Variants in KMT2A observed in about 807,000 individuals in gnomAD.
KMT2A encodes the protein lysine methyltransferase 2A, also known as histone-lysine N-methyltransferase 2A.
A neutral mutation model predicts 345.3 loss-of-function variants in KMT2A; 16 were observed. The ratio of observed to expected loss-of-function variants is 0.05; its 90% CI spans 0.03 to 0.07. KMT2A has a LOEUF of 0.07. KMT2A is among the 10% of genes least tolerant of loss of function. The pLI is 1.00. For missense variants in KMT2A, 3,272 were observed against 4,841.6 expected, an observed-to-expected ratio of 0.68 and a Z score of 9.62; for synonymous variants, 1,599 against 1,778.6, an observed-to-expected ratio of 0.90 and a Z score of 2.54.
At position 118,473,921 on chromosome 11, in the gene KMT2A, T is replaced by C. The variant is rs540438266; in HGVS notation, c.2762T>C (p.Val921Ala). The change falls in exon 3 of 36, where the codon GTT (valine) becomes GCT (alanine). Residue 921 changes from valine (V) to alanine (A), a missense_variant. Physicochemically the swap from Val to Ala is moderately conservative, Grantham distance 64. Transcript: ENST00000534358. This position sits in a 1 kb window ranked among gnomAD's most constrained non-coding sequence, Gnocchi z 5.2. Reference sequence around the variant, plus strand: ...AAAGAGAAGGTTGTTGGTGAAGATGTTGCCACTTCATCTTCTGCCAAAAAA... The same window carrying C: ...AAAGAGAAGGTTGTTGGTGAAGATGCTGCCACTTCATCTTCTGCCAAAAAA... ...VSKEKVVGED[V>A]ATSSSAKKAT... The C allele has an allele frequency of 1.2e-6, 2 of 1,614,156 alleles. No individual in the cohort carries two copies. Among genetic ancestry groups the C allele is most frequent in the African/African-American group, 1.3e-5 (1 of 75,038 alleles).
chr11:118,509,306 T>A, intron 29 of KMT2A, 106 bp downstream of exon 29: 2 of 921,022 alleles, frequency 2.2e-6, no homozygotes, highest in Non-Finnish European at 3.3e-6. Flanking sequence ...AAAAAAAATC[T>A]AAGCTCCAAA....
At position 118,494,121 on chromosome 11, in the gene KMT2A, A is replaced by G. The variant is rs944622648; in HGVS notation, c.5179-167A>G. On this transcript the variant is annotated intron_variant, in intron 16 of 35. Coordinates refer to ENST00000534358, the MANE Select transcript of KMT2A (RefSeq NM_001197104.2). The surrounding 1 kb of genome is among the most constrained non-coding windows in gnomAD (Gnocchi z 5.8). ...GGCATCTCTTAATTGCCACAGGTTA[A>G]TCGTGAATTGAATCTCAAAGGTCTC... Among the ~76,000 whole-genome samples, 8 of 152,260 alleles carry G rather than the reference A, an allele frequency of 5.3e-5. No individual in the cohort carries two copies. Among genetic ancestry groups the G allele is most frequent in the Non-Finnish European group, 5.9e-5 (4 of 68,048 alleles).
intron 24 of KMT2A, 120 bp downstream of exon 24, chr11:118,500,033 A>G (rs1437096013): frequency 1.1e-5 from 7 of 649,270 alleles, no homozygotes; most frequent in Admixed American, 5.6e-5. Flanking sequence ...CTAAAAATTA[A>G]TCACTTATTT....
intron 28 of KMT2A, among the ~76,000 whole-genome samples, chr11:118,508,800 C>A (rs1555049288): frequency 6.6e-6 from 1 of 151,296 alleles, no homozygotes. Context: ...GTTAAGCCAG[C>A]TTACTTATTT....
Position 118,484,415 on chromosome 11 carries a change from TG to T in KMT2A, c.4218+106del. ...GTTGAAAGAGGAAATCAGCACCAAC[TG>T]GGGGAATGAATAAGAACTCCCATTA... On this transcript the variant is annotated intron_variant, in intron 9 of 35. Transcript: ENST00000534358. This position sits in a 1 kb window ranked among gnomAD's most constrained non-coding sequence, Gnocchi z 4.1. 3 of 1,255,878 alleles carry T rather than the reference TG, an allele frequency of 2.4e-6. No individual in the cohort carries two copies. Among genetic ancestry groups the T allele is most frequent in the Non-Finnish European group, 3.3e-6 (3 of 895,844 alleles). 77.8% of individuals were successfully genotyped at this position (1,255,878 alleles called of 1,614,324 possible). A position where few individuals can be genotyped will look rare whatever the true frequency, so the allele number is the denominator to read the frequency against.
Position 118,473,705 on chromosome 11 carries a change from G to A in KMT2A, c.2546G>A (p.Arg849Lys), listed in dbSNP as rs1949984599. The A allele has an allele frequency of 6.2e-7, 1 of 1,614,176 alleles. No individual in the cohort carries two copies. The highest frequency in any genetic ancestry group is 1.1e-5 in the South Asian group (1 of 91,090). Residue 849 changes from arginine (R) to lysine (K), a missense_variant, in exon 3 of 36, where the codon AGA (arginine) becomes AAA (lysine). Arg to Lys is a conservative substitution (Grantham distance 26). Transcript: ENST00000534358. The surrounding 1 kb of genome is among the most constrained non-coding windows in gnomAD (Gnocchi z 5.2). ...CCAGGCTCTCAGACTGAAAGAGGGA[G>A]AAATAAAGACAAGGCCCCCGAGGAG... ...FTPGSQTERGRNKDKAPEELS... is the reference protein window; with the variant it reads ...FTPGSQTERGKNKDKAPEELS...
rs2134397490 is a variant in KMT2A at position 118,504,147 on chromosome 11, G to A, written c.8255G>A (p.Gly2752Glu). 1 of 1,614,150 alleles carries A rather than the reference G, an allele frequency of 6.2e-7. No individual in the cohort carries two copies. Among genetic ancestry groups the A allele is most frequent in the Non-Finnish European group, 8.5e-7 (1 of 1,180,028 alleles). ...CCAAAAAGAAATGGTAAAGAAAATG[G>A]AACAGAGAACTTAAAGATTGATAGA... ...QIPKRNGKEN[G>E]TENLKIDRPE... The change falls in exon 27 of 36, where the codon GGA (glycine) becomes GAA (glutamate). Residue 2752 changes from glycine to glutamate, a missense_variant. Transcript: ENST00000534358. The surrounding 1 kb of genome is among the most constrained non-coding windows in gnomAD (Gnocchi z 6.4).
chr11:118,489,308 G>A (rs555889168), intron 11 of KMT2A, among the ~76,000 whole-genome samples: 1 of 151,972 alleles, frequency 6.6e-6, no homozygotes, highest in Non-Finnish European at 1.5e-5. Context: ...TTTTGTCTAG[G>A]GACTTGGGCA....
chr11:118,505,934 T>G lies in KMT2A; in HGVS notation c.10042T>G (p.Ser3348Ala). 6.2e-7 allele frequency: 1 copy of G among 1,614,168 alleles called. No homozygotes were observed. Among genetic ancestry groups the G allele is most frequent in the East Asian group, 2.2e-5 (1 of 44,874 alleles). The change falls in exon 27 of 36, where the codon TCC becomes GCC. Residue 3348 changes from serine to alanine, a missense_variant. Physicochemically the swap from Ser to Ala is moderately conservative, Grantham distance 99. Transcript: ENST00000534358. This position sits in a 1 kb window ranked among gnomAD's most constrained non-coding sequence, Gnocchi z 4.6. ...CAGTTCCTCTGTCTTGAATGTTGTA[T>G]CCATGCAAACTACCACAACCCCTAC... ...ASSSSVLNVVSMQTTTTPTSS... is the reference protein window; with the variant it reads ...ASSSSVLNVVAMQTTTTPTSS...
intron 1 of KMT2A, among the ~76,000 whole-genome samples, chr11:118,460,176 TG>T (rs1164413981): frequency 2.0e-5 from 3 of 152,254 alleles, no homozygotes; most frequent in African/African-American, 4.8e-5. Context: ...TTTCTAGCTC[TG>T]GAGTGCCTAG....
chr11:118,441,863 C>T (rs968411303), intron 1 of KMT2A, among the ~76,000 whole-genome samples: 3 of 152,206 alleles, frequency 2.0e-5, no homozygotes, highest in Non-Finnish European at 4.4e-5. Context: ...TTGAGAGAAA[C>T]TATTCCCATC....
rs1354676762 is a variant in KMT2A at position 118,484,490 on chromosome 11, CTGTT to C, written c.4218+180_4218+183del. Among the ~76,000 whole-genome samples, 4 of 152,332 alleles carry C rather than the reference CTGTT, an allele frequency of 2.6e-5. No individual in the cohort carries two copies. The highest frequency in any genetic ancestry group is 6.8e-3 in the Middle Eastern group (2 of 294). ...AGCTTTGGTCAGTGTTGTTAGGTCA[CTGTT>C]TGTGAACTGACTGCAGAACATACAT... On this transcript the variant is annotated intron_variant, in intron 9 of 35. Coordinates refer to ENST00000534358, the MANE Select transcript of KMT2A (RefSeq NM_001197104.2). This position sits in a 1 kb window ranked among gnomAD's most constrained non-coding sequence, Gnocchi z 4.1.
chr11:118,456,575 T>A (rs1336505843), intron 1 of KMT2A, among the ~76,000 whole-genome samples: 1 of 151,902 alleles, frequency 6.6e-6, no homozygotes, highest in African/African-American at 2.4e-5. Flanking sequence ...CCTGACCTCA[T>A]GATTCGCCCA....
At chr11:118,468,623 T>C (rs1949889072) in intron 1 of KMT2A, 152 bp from the exon 2 acceptor site, 1 of 622,770 alleles carries the variant, frequency 1.6e-6, no homozygotes, top group Non-Finnish European at 2.9e-6. Flanking sequence ...ATTTCAATAT[T>C]AGTTATTTTA....
chr11:118,493,744 C>G lies in KMT2A; in HGVS notation c.5178+514C>G, dbSNP rs1192519771. Among the ~76,000 whole-genome samples the G allele has an allele frequency of 6.6e-6, 1 of 152,094 alleles. No individual in the cohort carries two copies. The highest frequency in any genetic ancestry group is 1.5e-5 in the Non-Finnish European group (1 of 68,026). On this transcript the variant is annotated intron_variant, in intron 16 of 35. Coordinates refer to ENST00000534358, the MANE Select transcript of KMT2A (RefSeq NM_001197104.2). The surrounding 1 kb of genome is among the most constrained non-coding windows in gnomAD (Gnocchi z 5.8). ...TATTTATTTGAGATGGAGTCTCGCT[C>G]TGTTACCCAGGCTGGCATGCAGTGA...
chr11:118,505,900 C>T lies in KMT2A; in HGVS notation c.10008C>T (p.Gly3336=). 6.2e-7 allele frequency: 1 copy of T among 1,614,192 alleles called. No individual in the cohort carries two copies. Among genetic ancestry groups the T allele is most frequent in the Non-Finnish European group, 8.5e-7 (1 of 1,180,030 alleles). Residue 3336 remains glycine (G), a synonymous_variant, in exon 27 of 36, where the codon GGC becomes GGT. Transcript: ENST00000534358. The surrounding 1 kb of genome is among the most constrained non-coding windows in gnomAD (Gnocchi z 4.6). The part of the protein sequence containing the change: ...TSHLTSGSVS[G]LASSSSVLNV... ...ACCTCACATCAGGGTCTGTGTCTGG[C>T]TTGGCATCCAGTTCCTCTGTCTTGA...
rs2135284013 is a variant in KMT2A at position 118,519,775 on chromosome 11, G to A, written c.11304G>A (p.Arg3768=). 6.2e-7 allele frequency: 1 copy of A among 1,613,068 alleles called. No individual in the cohort carries two copies. The highest frequency in any genetic ancestry group is 8.5e-7 in the Non-Finnish European group (1 of 1,179,112). The part of the protein sequence containing the change: ...EPPLNPHGSA[R]AEVHLRKSAF... ...CCTTGAACCCTCACGGCTCAGCCAG[G>A]GCTGAAGTCCACCTCAGGCAAGTTC... Residue 3768 remains arginine, a synonymous_variant, in exon 32 of 36, where the codon AGG becomes AGA. Coordinates refer to ENST00000534358, the MANE Select transcript of KMT2A (RefSeq NM_001197104.2).
Position 118,504,705 on chromosome 11 carries a change from C to G in KMT2A, c.8813C>G (p.Thr2938Ser), listed in dbSNP as rs1950552368. ...CTACCATCTGATCTGTCTGTCTTGA[C>G]CACCCGGAGTCCCACTGTCCCCAGC... ...LELPSDLSVL[T>S]TRSPTVPSQN... Residue 2938 changes from threonine (T) to serine (S), a missense_variant, in exon 27 of 36, where the codon ACC becomes AGC. Transcript: ENST00000534358. This position sits in a 1 kb window ranked among gnomAD's most constrained non-coding sequence, Gnocchi z 6.4. 1 of 1,614,034 alleles carries G rather than the reference C, an allele frequency of 6.2e-7. No individual in the cohort carries two copies. Among genetic ancestry groups the G allele is most frequent in the Non-Finnish European group, 8.5e-7 (1 of 1,180,028 alleles).
chr11:118,464,481 G>T (rs1555033634), intron 1 of KMT2A, among the ~76,000 whole-genome samples: 2 of 151,412 alleles, frequency 1.3e-5, no homozygotes, highest in Non-Finnish European at 2.9e-5. Context: ...GTTGCAGTGA[G>T]TGAGCCAAGA....
Sources: gnomAD v4.1 joint callset for allele counts (sites outside exome capture counted in the v4.1 genomes callset) on GRCh38, gnomAD v4.1.1 for gene constraint, Gnocchi (gnomAD v3.1) non-coding constraint, MANE v1.5 for transcripts, NCBI Gene and HGNC (gene_info 2026-07-23, HGNC 2026-07-21) for gene names.